SHANK1: variants seen among roughly 807,000 people sequenced by gnomAD.
SHANK1 encodes SH3 and multiple ankyrin repeat domains protein 1.
A neutral mutation model predicts 165.6 loss-of-function variants in SHANK1; 35 were observed. The ratio of observed to expected loss-of-function variants is 0.21; its 90% CI spans 0.16 to 0.28. The LOEUF (loss-of-function observed/expected upper bound fraction) is 0.28, where lower values mean the gene tolerates loss of function less well. Among genes scored for constraint, SHANK1 ranks in the 10% least tolerant of loss-of-function variants. The pLI is 1.00. For synonymous variants in SHANK1, 1,428 were observed against 1,384.8 expected, an observed-to-expected ratio of 1.03 and a Z score of -0.69; for missense variants, 2,681 against 3,036.4, an observed-to-expected ratio of 0.88 and a Z score of 2.75.
chr19:50,706,449 T>G (rs936749918), intron 8 of SHANK1, among the ~76,000 whole-genome samples: 5 of 152,030 alleles, frequency 3.3e-5, no homozygotes, highest in African/African-American at 1.2e-4. Flanking sequence ...CTAGGAGGGT[T>G]AGGGTTAGCT....
chr19:50,717,948 G>T lies in SHANK1; in HGVS notation c.-43-986C>A, dbSNP rs150182813. Among the ~76,000 whole-genome samples, 5 of 151,986 alleles carry T rather than the reference G, an allele frequency of 3.3e-5. No homozygotes were observed. The South Asian group carries it at 1.0e-3, about 32-fold the overall frequency. ...CCCTTGAGGTGGCCTTATGAGGGTG[G>T]AGCCCCTTCCAAATGGGGTCCGCCT... On this transcript the variant is annotated intron_variant, in intron 1 of 23. Transcript: ENST00000293441. This position sits in a 1 kb window ranked among gnomAD's most constrained non-coding sequence, Gnocchi z 5.5.
At chr19:50,708,108 G>A (rs2088967418) in intron 8 of SHANK1, among the ~76,000 whole-genome samples, 1 of 151,698 alleles carries the variant, frequency 6.6e-6, no homozygotes, top group African/African-American at 2.4e-5. Context: ...CACCATGCCT[G>A]GCTAATTTTT....
Position 50,717,023 on chromosome 19 carries a change from G to T in SHANK1, c.-43-61C>A. On this transcript the variant is annotated intron_variant, in intron 1 of 23. Transcript: ENST00000293441. The surrounding 1 kb of genome is among the most constrained non-coding windows in gnomAD (Gnocchi z 5.5). ...CCGGGACCCCTCAGAGGCCGCAGGCGCTATTCGGTGGTCAAGCGGTCAAGG... is the reference window on the plus strand; with the variant it reads ...CCGGGACCCCTCAGAGGCCGCAGGCTCTATTCGGTGGTCAAGCGGTCAAGG... 7.6e-7 allele frequency: 1 copy of T among 1,315,010 alleles called. No homozygotes were observed. The highest frequency in any genetic ancestry group is 9.8e-7 in the Non-Finnish European group (1 of 1,019,568). 81.5% of individuals were successfully genotyped at this position (1,315,010 alleles called of 1,614,324 possible).
chr19:50,682,946 C>T (rs574981061), intron 21 of SHANK1, among the ~76,000 whole-genome samples: 1 of 152,246 alleles, frequency 6.6e-6, no homozygotes, highest in South Asian at 2.1e-4. Flanking sequence ...CCTCTTCAGC[C>T]CCCAGAGTAG....
intron 21 of SHANK1, among the ~76,000 whole-genome samples, chr19:50,684,580 G>C (rs185607478): frequency 9.2e-5 from 14 of 152,234 alleles, no homozygotes; most frequent in Non-Finnish European, 1.3e-4. Context: ...GAGGGATTGT[G>C]GATAGACTTC....
chr19:50,662,784 A>G lies in SHANK1; in HGVS notation c.5769-102T>C. 5.5e-6 allele frequency: 7 copies of G among 1,267,816 alleles called. No homozygotes were observed. Among genetic ancestry groups the G allele is most frequent in the Admixed American group, 4.3e-5 (2 of 46,442 alleles). 78.5% of individuals were successfully genotyped at this position (1,267,816 alleles called of 1,614,324 possible). On this transcript the variant is annotated intron_variant, in intron 23 of 23. Coordinates refer to ENST00000293441, the MANE Select transcript of SHANK1 (RefSeq NM_016148.5). This position sits in a 1 kb window ranked among gnomAD's most constrained non-coding sequence, Gnocchi z 7.7. ...TCAAGATATAGGGAGAGAGGAGGAG[A>G]GACATAAGGGTAGGGGGAGAGACGG...
At chr19:50,672,221 A>G in intron 21 of SHANK1, 107 bp from the exon 22 acceptor site, 1 of 906,840 alleles carries the variant, frequency 1.1e-6, no homozygotes, top group South Asian at 1.5e-5. Context: ...TCCTTCCCTA[A>G]GCCCCTGCCG....
chr19:50,709,295 C>T (rs35743451), intron 8 of SHANK1, among the ~76,000 whole-genome samples: 7,812 of 152,028 alleles, frequency 0.051, 227 homozygotes, highest in South Asian at 0.087. Flanking sequence ...CCCGCCACCA[C>T]GCCTGGCTAA....
At position 50,663,924 on chromosome 19, in the gene SHANK1, T is replaced by TTTCTTTC. The variant is rs772512786; in HGVS notation, c.5769-1243_5769-1242insGAAAGAA. Reference sequence around the variant, plus strand: ...AATATACACTTCCTTTTTCTTTTCTTTCTCTCTCTCTCTCTCTTTTTTTTT... The same window carrying TTTCTTTC: ...AATATACACTTCCTTTTTCTTTTCTTTTCTTTCTCTCTCTCTCTCTCTCTTTTTTTTT... On this transcript the variant is annotated intron_variant, in intron 23 of 23. Coordinates refer to ENST00000293441, the MANE Select transcript of SHANK1 (RefSeq NM_016148.5). 3.7e-4 allele frequency among the ~76,000 whole-genome samples: 42 copies of TTTCTTTC among 113,620 alleles called. 1 individual carries two copies. Among genetic ancestry groups the TTTCTTTC allele is most frequent in the South Asian group, 1.1e-3 (4 of 3,600 alleles). The allele number at this position is 113,620 out of a possible 152,430, so 74.5% of individuals were successfully genotyped here.
At position 50,667,002 on chromosome 19, in the gene SHANK1, G is replaced by A; in HGVS notation, c.4958C>T (p.Pro1653Leu). 1 of 1,562,484 alleles carries A rather than the reference G, an allele frequency of 6.4e-7. No individual in the cohort carries two copies. The highest frequency in any genetic ancestry group is 8.7e-7 in the Non-Finnish European group (1 of 1,155,842). The stretch of plus-strand genomic sequence containing the variant: ...TGGGGCAGCGGGAGCCGGTGCTGCT[G>A]GGGCAGGCGGGCCTGGTGGATGGGG... The part of the protein sequence containing the change: ...GDPHPPGPPA[P>L]AAPAPAAPQP... Residue 1653 changes from proline to leucine, a missense_variant, in exon 23 of 24, where the codon CCA becomes CTA. By Grantham distance (98) the Pro-to-Leu change is moderately conservative. This residue lies in a region of SHANK1 where 1,713 missense variants were observed against 1,630.2 expected (regional missense o/e 1.05). Transcript: ENST00000293441. This position sits in a 1 kb window ranked among gnomAD's most constrained non-coding sequence, Gnocchi z 5.7.
intron 21 of SHANK1, among the ~76,000 whole-genome samples, chr19:50,680,078 A>G (rs939948979): frequency 2.0e-5 from 3 of 152,004 alleles, no homozygotes; most frequent in African/African-American, 7.3e-5. Context: ...ACAGAGACAG[A>G]GATGGAGAGA....
At position 50,689,292 on chromosome 19, in the gene SHANK1, C is replaced by T. The variant is rs775850323; in HGVS notation, c.1965-13G>A. The T allele has an allele frequency of 8.0e-5, 124 of 1,551,500 alleles. No homozygotes were observed. Among genetic ancestry groups the T allele is most frequent in the Non-Finnish European group, 1.1e-4 (120 of 1,131,416 alleles). On this transcript the variant is annotated splice_polypyrimidine_tract_variant and intron_variant, in intron 15 of 23. Transcript: ENST00000293441. ...AATGATGTAATCGCTGGCAGGGAGGCAGGAGAAATGGGGGGGTGGTGGGGG... is the reference window on the plus strand; with the variant it reads ...AATGATGTAATCGCTGGCAGGGAGGTAGGAGAAATGGGGGGGTGGTGGGGG...
In SHANK1 at chr19:50,661,850, C is replaced by T. The variant is rs553158682; in HGVS notation, c.*115G>A. 1.3e-4 allele frequency: 160 copies of T among 1,201,142 alleles called. No homozygotes were observed. The highest frequency in any genetic ancestry group is 1.7e-4 in the Non-Finnish European group (140 of 837,574). The allele number at this position is 1,201,142 out of a possible 1,614,324, so 74.4% of individuals were successfully genotyped here. A position where few individuals can be genotyped will look rare whatever the true frequency, so the allele number is the denominator to read the frequency against. ...CTGGCCTTGGGAGATGAGGGCAGGGCGCAGTTTGAACAGAGTCCCTGGCCC... is the reference window on the plus strand; with the variant it reads ...CTGGCCTTGGGAGATGAGGGCAGGGTGCAGTTTGAACAGAGTCCCTGGCCC... On this transcript the variant is annotated 3_prime_UTR_variant, in exon 24 of 24. Coordinates refer to ENST00000293441, the MANE Select transcript of SHANK1 (RefSeq NM_016148.5).
At chr19:50,682,883 T>C (rs970409859) in intron 21 of SHANK1, among the ~76,000 whole-genome samples, 3 of 152,200 alleles carry the variant, frequency 2.0e-5, no homozygotes, top group Non-Finnish European at 4.4e-5. Context: ...GGGAGTGCAG[T>C]GGCACAATCG....
rs60019205 is a variant in SHANK1, at chr19:50,707,876, T to TTTTTCTTTTCTTTTCTTTTCTTTTC, written c.1078-3387_1078-3363dup. Among the ~76,000 whole-genome samples the TTTTTCTTTTCTTTTCTTTTCTTTTC allele has an allele frequency of 1.5e-3, 139 of 95,092 alleles. 4 individuals carry two copies. The highest frequency in any genetic ancestry group is 2.0e-3 in the Non-Finnish European group (94 of 46,924). 62.4% of individuals were successfully genotyped at this position (95,092 alleles called of 152,430 possible). On this transcript the variant is annotated intron_variant, in intron 8 of 23. Coordinates refer to ENST00000293441, the MANE Select transcript of SHANK1 (RefSeq NM_016148.5). ...CTCCTGCCATGTGTACTTTTGCGTG[T>TTTTTCTTTTCTTTTCTTTTCTTTTC]TTTTCTTTTCTTTTCTTTTCTTTTC...
chr19:50,711,277 C>T (rs1568444892), intron 8 of SHANK1, 94 bp downstream of exon 8: 1 of 736,982 alleles, frequency 1.4e-6, no homozygotes, highest in Non-Finnish European at 2.4e-6. Context: ...GTGGAGGGTG[C>T]AGAGATGCAG....
At position 50,716,644 on chromosome 19, in the gene SHANK1, G is replaced by A; in HGVS notation, c.255+21C>T. On this transcript the variant is annotated intron_variant, in intron 2 of 23. Coordinates refer to ENST00000293441, the MANE Select transcript of SHANK1 (RefSeq NM_016148.5). This position sits in a 1 kb window ranked among gnomAD's most constrained non-coding sequence, Gnocchi z 8.4. ...GGGGCACTGTCCCTCTCCTGCCGCT[G>A]GCCAGTGGGCAGGTACTCACTGTCT... 1.3e-6 allele frequency: 2 copies of A among 1,552,772 alleles called. No individual in the cohort carries two copies. Among genetic ancestry groups the A allele is most frequent in the Non-Finnish European group, 8.7e-7 (1 of 1,147,258 alleles).
In SHANK1 at chr19:50,666,640, C is replaced by G; in HGVS notation, c.5320G>C (p.Gly1774Arg). ...ASGGLRPGPSGGLRDPVTPTS... is the reference protein window; with the variant it reads ...ASGGLRPGPSRGLRDPVTPTS... ...GGGGTAACAGGGTCTCGGAGTCCCC[C>G]GCTGGGGCCAGGCCGCAGGCCTCCG... Residue 1774 changes from glycine to arginine, a missense_variant, in exon 23 of 24, where the codon GGG (glycine) becomes CGG (arginine). Transcript: ENST00000293441. 10 of 1,595,420 alleles carry G rather than the reference C, an allele frequency of 6.3e-6. No individual in the cohort carries two copies. The highest frequency in any genetic ancestry group is 8.5e-6 in the Non-Finnish European group (10 of 1,174,030).
chr19:50,675,765 T>C (rs1330760101), intron 21 of SHANK1, among the ~76,000 whole-genome samples: 1 of 150,812 alleles, frequency 6.6e-6, no homozygotes, highest in Non-Finnish European at 1.5e-5. Context: ...ATTTTGGGAG[T>C]TCAAGGTGGG....
Sources: allele counts gnomAD v4.1 joint callset (sites outside exome capture counted in the v4.1 genomes callset), GRCh38; gene constraint gnomAD v4.1.1; regional missense constraint gnomAD v4.1.1; non-coding constraint Gnocchi (gnomAD v3.1); transcripts MANE v1.5; gene names NCBI Gene and HGNC (gene_info 2026-07-23, HGNC 2026-07-21).